Variants in TPD52 observed in about 807,000 individuals in gnomAD.
TPD52 encodes prostate and colon associated protein.
TPD52 carries 17 observed loss-of-function variants against 31.3 expected under a neutral mutation model. That is an observed-to-expected ratio of 0.54 (90% CI 0.37 to 0.82). TPD52 has a LOEUF of 0.82. Among genes scored for constraint, TPD52 ranks in the 40% least tolerant of loss-of-function variants. TPD52 has a pLI of 0.00. For missense variants in TPD52, 212 were observed against 240.1 expected (o/e 0.88, Z 0.77); for synonymous variants, 83 against 89.6 (o/e 0.93, Z 0.42).
intron 1 of TPD52, among the ~76,000 whole-genome samples, chr8:80,072,798 C>CACACACACACATATATATATATATAT (rs977939775): frequency 7.1e-6 from 1 of 141,050 alleles, no homozygotes; most frequent in African/African-American, 3.0e-5. Context: ...CACACACACA[C>CACACACACACATATATATATATATAT]ATATATATAT....
At chr8:80,130,801 C>T (rs1189090885) in intron 1 of TPD52, among the ~76,000 whole-genome samples, 1 of 152,130 alleles carries the variant, frequency 6.6e-6, no homozygotes. Flanking sequence ...CTTCAATGCA[C>T]TACAATATCA....
chr8:80,077,306 G>C (rs1814690971), intron 1 of TPD52, among the ~76,000 whole-genome samples: 2 of 151,566 alleles, frequency 1.3e-5, no homozygotes, highest in East Asian at 1.9e-4. Context: ...TTAAGAGGAA[G>C]ATAGGTGCTA....
At chr8:80,154,206 C>G (rs183701851) in intron 1 of TPD52, among the ~76,000 whole-genome samples, 16 of 152,330 alleles carry the variant, frequency 1.1e-4, no homozygotes, top group South Asian at 2.1e-4. Flanking sequence ...CATGGGCAGG[C>G]AACTTGGTCA....
intron 2 of TPD52, among the ~76,000 whole-genome samples, chr8:80,056,136 G>C (rs1811852591): frequency 1.3e-5 from 2 of 152,140 alleles, no homozygotes; most frequent in Admixed American, 1.3e-4. Context: ...CCATCAACAG[G>C]TGAATGGATA....
At chr8:80,152,179 C>G (rs936105155) in intron 1 of TPD52, among the ~76,000 whole-genome samples, 6 of 152,122 alleles carry the variant, frequency 3.9e-5, no homozygotes, top group Admixed American at 6.5e-5. Flanking sequence ...TTCATGCCCC[C>G]CCGACCCCAG....
intron 7 of TPD52, 143 bp from the exon 8 acceptor site, chr8:80,038,378 A>G: frequency 1.2e-6 from 1 of 851,160 alleles, no homozygotes. Flanking sequence ...TATGGAATTT[A>G]GTATTGTTGC....
chr8:80,099,576 T>C (rs1434259966), intron 1 of TPD52, among the ~76,000 whole-genome samples: 1 of 150,464 alleles, frequency 6.6e-6, no homozygotes, highest in East Asian at 2.0e-4. Context: ...AGTGGTGTGA[T>C]CTCGGCTCAC....
At chr8:80,159,208 G>A (rs1811194512) in intron 1 of TPD52, among the ~76,000 whole-genome samples, 1 of 152,138 alleles carries the variant, frequency 6.6e-6, no homozygotes. Flanking sequence ...TGAGATATCA[G>A]CCTTAGAGAA....
chr8:80,067,881 T>C (rs1163994401), intron 1 of TPD52, among the ~76,000 whole-genome samples: 1 of 152,016 alleles, frequency 6.6e-6, no homozygotes, highest in Non-Finnish European at 1.5e-5. Context: ...CGTCTAGATA[T>C]GATCCTGTTT....
chr8:80,106,226 T>C (rs2130954323), intron 1 of TPD52, among the ~76,000 whole-genome samples: 1 of 152,196 alleles, frequency 6.6e-6, no homozygotes, highest in African/African-American at 2.4e-5. Flanking sequence ...CCCTCAAGCA[T>C]TTATCCTTTG....
intron 3 of TPD52, chr8:80,052,766 C>T: frequency 1.2e-6 from 1 of 854,312 alleles, no homozygotes; most frequent in Non-Finnish European, 1.7e-6. Context: ...TTGACCTCTG[C>T]CAAGAGCATA....
intron 5 of TPD52, among the ~76,000 whole-genome samples, chr8:80,049,238 T>C (rs1811141720): frequency 6.6e-6 from 1 of 152,186 alleles, no homozygotes; most frequent in Non-Finnish European, 1.5e-5. Context: ...CTCTAAGATT[T>C]TAAGCTTCAT....
chr8:80,100,298 A>T (rs1261884036), intron 1 of TPD52, among the ~76,000 whole-genome samples: 1 of 152,176 alleles, frequency 6.6e-6, no homozygotes, highest in African/African-American at 2.4e-5. Context: ...TCCAAGCCCT[A>T]ATTATTTTCT....
intron 1 of TPD52, among the ~76,000 whole-genome samples, chr8:80,159,575 C>T (rs1811213447): frequency 6.6e-6 from 1 of 152,228 alleles, no homozygotes; most frequent in African/African-American, 2.4e-5. Flanking sequence ...AAAGTTATTA[C>T]TCTGTCCCTT....
intron 1 of TPD52, among the ~76,000 whole-genome samples, chr8:80,149,012 T>C (rs1433616557): frequency 1.3e-5 from 2 of 152,058 alleles, no homozygotes. Flanking sequence ...ACAGAGAAGA[T>C]GAAGCAAAAA....
At chr8:80,069,218 C>T (rs1170333852) in intron 1 of TPD52, among the ~76,000 whole-genome samples, 2 of 152,218 alleles carry the variant, frequency 1.3e-5, no homozygotes, top group African/African-American at 2.4e-5. Flanking sequence ...AATCCCAGCA[C>T]TTTGGGAGGC....
intron 2 of TPD52, among the ~76,000 whole-genome samples, chr8:80,063,593 T>C (rs1039982113): frequency 6.6e-6 from 1 of 151,816 alleles, no homozygotes; most frequent in African/African-American, 2.4e-5. Flanking sequence ...AGGTCAGGAG[T>C]TCGAAACCAG....
At chr8:80,170,365 G>C (rs1811998638) in intron 1 of TPD52, among the ~76,000 whole-genome samples, 1 of 152,114 alleles carries the variant, frequency 6.6e-6, no homozygotes, top group Non-Finnish European at 1.5e-5. Context: ...GCAGTGAGCT[G>C]AGATCCCGCC....
intron 1 of TPD52, among the ~76,000 whole-genome samples, chr8:80,108,877 A>C (rs1030260737): frequency 2.0e-5 from 3 of 152,248 alleles, no homozygotes; most frequent in African/African-American, 7.2e-5. Flanking sequence ...TTTTGTGAAT[A>C]AAGATTGAAG....
Sources: allele counts gnomAD v4.1 joint callset (sites outside exome capture counted in the v4.1 genomes callset), GRCh38; gene constraint gnomAD v4.1.1; transcripts MANE v1.5; gene names NCBI Gene and HGNC (gene_info 2026-07-23, HGNC 2026-07-21).